Variants in GALNT18 observed in about 807,000 individuals in gnomAD.
GALNT18 encodes the protein polypeptide N-acetylgalactosaminyltransferase 18.
GALNT18 carries 44 observed loss-of-function variants against 69.5 expected under a neutral mutation model. The observed-to-expected ratio is 0.63, with a 90% confidence interval of 0.50 to 0.81. GALNT18 has a LOEUF of 0.81. Ranked by LOEUF, GALNT18 falls within the 40% of genes least tolerant of loss-of-function variation. The pLI is 0.00. For synonymous variants in GALNT18, 364 were observed against 318.2 expected (o/e 1.14, Z -1.53); for missense variants, 715 against 810.0 (o/e 0.88, Z 1.42).
chr11:11,461,324 T>C lies in GALNT18; in HGVS notation c.236-12388A>G, dbSNP rs1856038780. Among the ~76,000 whole-genome samples the C allele has an allele frequency of 6.6e-6, 1 of 152,088 alleles. No individual in the cohort carries two copies. Among genetic ancestry groups the C allele is most frequent in the African/African-American group, 2.4e-5 (1 of 41,414 alleles). ...GCACACACACTCACAGAAGTGGAAA[T>C]AGCCTTGATTAGAAATTATGCAGAA... On this transcript the variant is annotated intron_variant, in intron 1 of 10. Coordinates refer to ENST00000227756, the MANE Select transcript of GALNT18 (RefSeq NM_198516.3). This position sits in a 1 kb window ranked among gnomAD's most constrained non-coding sequence, Gnocchi z 4.1.
chr11:11,376,388 A>AAAAACAAAAAC (rs1304983102), intron 5 of GALNT18, among the ~76,000 whole-genome samples: 1 of 152,152 alleles, frequency 6.6e-6, no homozygotes, highest in African/African-American at 2.4e-5. Flanking sequence ...TCTCAAAAAC[A>AAAAACAAAAAC]AAAACAAACA....
chr11:11,280,535 C>T (rs1849252503), intron 10 of GALNT18, among the ~76,000 whole-genome samples: 1 of 152,144 alleles, frequency 6.6e-6, no homozygotes, highest in Non-Finnish European at 1.5e-5. Context: ...CAGCGGCCTG[C>T]TGTTCCTCCA....
chr11:11,349,459 T>G (rs903911575), intron 6 of GALNT18, among the ~76,000 whole-genome samples: 1 of 152,224 alleles, frequency 6.6e-6, no homozygotes, highest in African/African-American at 2.4e-5. Flanking sequence ...CATTTGACAT[T>G]GTCCAACTTT....
Position 11,461,773 on chromosome 11 carries a change from AAGCAGTGTGGCCCTTGCC to A in GALNT18, c.236-12855_236-12838del, listed in dbSNP as rs1387315774. Among the ~76,000 whole-genome samples the A allele has an allele frequency of 6.6e-6, 1 of 152,240 alleles. No individual in the cohort carries two copies. The highest frequency in any genetic ancestry group is 1.9e-4 in the East Asian group (1 of 5,192). ...GGAACAGCTGGGCTAGACAGGGAGA[AAGCAGTGTGGCCCTTGCC>A]AGTAGGACAGCCTGCAGCCCAGAAC... On this transcript the variant is annotated intron_variant, in intron 1 of 10. Coordinates refer to ENST00000227756, the MANE Select transcript of GALNT18 (RefSeq NM_198516.3). This position sits in a 1 kb window ranked among gnomAD's most constrained non-coding sequence, Gnocchi z 4.1.
At chr11:11,302,299 A>G (rs1849508887) in intron 9 of GALNT18, among the ~76,000 whole-genome samples, 1 of 152,164 alleles carries the variant, frequency 6.6e-6, no homozygotes, top group Non-Finnish European at 1.5e-5. Flanking sequence ...AGTACAAGAC[A>G]AAGAATGGGT....
intron 6 of GALNT18, among the ~76,000 whole-genome samples, chr11:11,366,536 C>T (rs936289257): frequency 2.8e-4 from 43 of 152,262 alleles, no homozygotes; most frequent in African/African-American, 1.0e-3. Flanking sequence ...CCTTGACCAA[C>T]ATAAACATTT....
Position 11,340,664 on chromosome 11 carries a change from T to A in GALNT18, c.1278+155A>T, listed in dbSNP as rs1406194483. On this transcript the variant is annotated intron_variant, in intron 7 of 10. Coordinates refer to ENST00000227756, the MANE Select transcript of GALNT18 (RefSeq NM_198516.3). This position sits in a 1 kb window ranked among gnomAD's most constrained non-coding sequence, Gnocchi z 4.2. Reference sequence around the variant, plus strand: ...TGGCTTAGAGCCTCATGGCCCCTTTTCTTCAGCAAATAATATGTTTTGGGG... The same window carrying A: ...TGGCTTAGAGCCTCATGGCCCCTTTACTTCAGCAAATAATATGTTTTGGGG... Among the ~76,000 whole-genome samples, 1 of 152,120 alleles carries A rather than the reference T, an allele frequency of 6.6e-6. No homozygotes were observed. The highest frequency in any genetic ancestry group is 1.5e-5 in the Non-Finnish European group (1 of 68,020).
At position 11,396,332 on chromosome 11, in the gene GALNT18, T is replaced by C. The variant is rs1254129980; in HGVS notation, c.596-17068A>G. Reference sequence around the variant, plus strand: ...TCAAGAAGGGCAACATTTCGAGAGGTGAGGAAGAGAGAGTTTGCTTAGAGA... The same window carrying C: ...TCAAGAAGGGCAACATTTCGAGAGGCGAGGAAGAGAGAGTTTGCTTAGAGA... On this transcript the variant is annotated intron_variant, in intron 3 of 10. Transcript: ENST00000227756. The surrounding 1 kb of genome is among the most constrained non-coding windows in gnomAD (Gnocchi z 5.2). Among the ~76,000 whole-genome samples the C allele has an allele frequency of 6.6e-6, 1 of 151,830 alleles. No homozygotes were observed. Among genetic ancestry groups the C allele is most frequent in the African/African-American group, 2.4e-5 (1 of 41,302 alleles).
At position 11,591,860 on chromosome 11, in the gene GALNT18, G is replaced by A. The variant is rs1859368605; in HGVS notation, c.235+29499C>T. On this transcript the variant is annotated intron_variant, in intron 1 of 10. Coordinates refer to ENST00000227756, the MANE Select transcript of GALNT18 (RefSeq NM_198516.3). The surrounding 1 kb of genome is among the most constrained non-coding windows in gnomAD (Gnocchi z 4.8). Reference sequence around the variant, plus strand: ...ATACCCAGCTGTGATTAGATGTTATGAAGATTTAAGGGTTTTGAGTTTGAT... The same window carrying A: ...ATACCCAGCTGTGATTAGATGTTATAAAGATTTAAGGGTTTTGAGTTTGAT... 6.6e-6 allele frequency among the ~76,000 whole-genome samples: 1 copy of A among 152,174 alleles called. No homozygotes were observed. The highest frequency in any genetic ancestry group is 1.5e-5 in the Non-Finnish European group (1 of 68,030).
In GALNT18 at chr11:11,383,673, AC is replaced by A. The variant is rs1192557552; in HGVS notation, c.596-4410del. Among the ~76,000 whole-genome samples the A allele has an allele frequency of 6.6e-6, 1 of 152,024 alleles. No individual in the cohort carries two copies. The highest frequency in any genetic ancestry group is 2.4e-5 in the African/African-American group (1 of 41,390). On this transcript the variant is annotated intron_variant, in intron 3 of 10. Coordinates refer to ENST00000227756, the MANE Select transcript of GALNT18 (RefSeq NM_198516.3). This position sits in a 1 kb window ranked among gnomAD's most constrained non-coding sequence, Gnocchi z 5.2. The stretch of plus-strand genomic sequence containing the variant: ...ATTGAACACTTACTGATATGATTTG[AC>A]TCTGTGTCCCCACCCAAATCTCATC...
chr11:11,551,122 A>G (rs972962051), intron 1 of GALNT18, among the ~76,000 whole-genome samples: 1 of 152,070 alleles, frequency 6.6e-6, no homozygotes, highest in African/African-American at 2.4e-5. Context: ...AAAATAACCA[A>G]AAACATTTTT....
At chr11:11,299,620 C>T (rs1849459152) in intron 9 of GALNT18, among the ~76,000 whole-genome samples, 1 of 152,228 alleles carries the variant, frequency 6.6e-6, no homozygotes, top group Non-Finnish European at 1.5e-5. Flanking sequence ...GCCTGCAACT[C>T]CATCCAAGTT....
intron 10 of GALNT18, among the ~76,000 whole-genome samples, chr11:11,289,507 C>G: frequency 6.6e-6 from 1 of 152,002 alleles, no homozygotes; most frequent in Admixed American, 6.6e-5. Context: ...CAAGCCATGC[C>G]CTGGGATAAG....
intron 10 of GALNT18, among the ~76,000 whole-genome samples, chr11:11,279,339 TAA>T (rs1849017718): frequency 6.6e-6 from 1 of 152,160 alleles, no homozygotes; most frequent in Admixed American, 6.6e-5. Flanking sequence ...TAAAAAAATT[TAA>T]GACTAAAAAA....
intron 2 of GALNT18, among the ~76,000 whole-genome samples, chr11:11,440,500 C>A (rs756276060): frequency 6.6e-6 from 1 of 152,168 alleles, no homozygotes; most frequent in Non-Finnish European, 1.5e-5. Context: ...CAAGGGAAGG[C>A]GGATTCTAAG....
chr11:11,468,476 A>G (rs915440903), intron 1 of GALNT18, among the ~76,000 whole-genome samples: 3 of 152,162 alleles, frequency 2.0e-5, no homozygotes, highest in South Asian at 2.1e-4. Context: ...TCTTTTCTCC[A>G]TACCACAAAC....
chr11:11,425,627 T>TCC (rs1855110678), intron 3 of GALNT18, among the ~76,000 whole-genome samples: 1 of 151,848 alleles, frequency 6.6e-6, no homozygotes, highest in Non-Finnish European at 1.5e-5. Context: ...TTTTTTTTTT[T>TCC]CCCCAGAAGT....
chr11:11,409,116 T>C (rs964846094), intron 3 of GALNT18, among the ~76,000 whole-genome samples: 1 of 152,102 alleles, frequency 6.6e-6, no homozygotes, highest in African/African-American at 2.4e-5. Context: ...AGCATTTCCT[T>C]CCAAATGCTA....
At chr11:11,359,617 A>G (rs1340206864) in intron 6 of GALNT18, among the ~76,000 whole-genome samples, 1 of 152,138 alleles carries the variant, frequency 6.6e-6, no homozygotes, top group Non-Finnish European at 1.5e-5. Flanking sequence ...TGCCATGTCC[A>G]GTGAGGACAT....
Sources: gnomAD v4.1 joint callset for allele counts (sites outside exome capture counted in the v4.1 genomes callset) on GRCh38, gnomAD v4.1.1 for gene constraint, Gnocchi (gnomAD v3.1) non-coding constraint, MANE v1.5 for transcripts, NCBI Gene and HGNC (gene_info 2026-07-23, HGNC 2026-07-21) for gene names.